The following DOK6 variants were observed in gnomAD, a reference collection of about 807,000 sequenced individuals.
DOK6 encodes the protein docking protein 6, also known as downstream of tyrosine kinase 6.
DOK6 carries 22 observed loss-of-function variants against 44.0 expected under a neutral mutation model. The observed-to-expected ratio is 0.50, with a 90% confidence interval of 0.36 to 0.71. DOK6 has a LOEUF of 0.71. Ranked by LOEUF, DOK6 falls within the 30% of genes least tolerant of loss-of-function variation. The probability of loss-of-function intolerance (pLI) is 0.00; values close to 1 mark genes in which losing one functional copy is unlikely to be tolerated. For synonymous variants in DOK6, 166 were observed against 145.5 expected (o/e 1.14, Z -1.01); for missense variants, 340 against 416.4 (o/e 0.82, Z 1.60).
At position 69,816,174 on chromosome 18, in the gene DOK6, G is replaced by A. The variant is rs139057205; in HGVS notation, c.857-25070G>A. On this transcript the variant is annotated intron_variant, in intron 7 of 7. Transcript: ENST00000382713. Reference sequence around the variant, plus strand: ...ATGACTCCATTAGGAGGCCCTCTCCGCTCCCACTGCTCCTATTTTGGGTTA... The same window carrying A: ...ATGACTCCATTAGGAGGCCCTCTCCACTCCCACTGCTCCTATTTTGGGTTA... Among the ~76,000 whole-genome samples, 62 of 152,190 alleles carry A rather than the reference G, an allele frequency of 4.1e-4. 1 individual carries two copies. The East Asian group carries it at 9.3e-3, about 23-fold the overall frequency.
intron 1 of DOK6, among the ~76,000 whole-genome samples, chr18:69,415,845 A>C (rs1443738781): frequency 6.6e-6 from 1 of 152,118 alleles, no homozygotes; most frequent in African/African-American, 2.4e-5. Flanking sequence ...CAAGGTTACT[A>C]AACATGTAAA....
intron 7 of DOK6, among the ~76,000 whole-genome samples, chr18:69,763,243 T>A (rs974601342): frequency 6.6e-6 from 1 of 152,202 alleles, no homozygotes; most frequent in African/African-American, 2.4e-5. Context: ...GCAGGTTGAG[T>A]TATGCCACCT....
intron 1 of DOK6, among the ~76,000 whole-genome samples, chr18:69,476,967 T>G (rs8085066): frequency 0.43 from 65,771 of 152,040 alleles, 14,954 homozygotes; most frequent in Middle Eastern, 0.54. Flanking sequence ...AAAGGTTGCT[T>G]GGATTAGTCA....
intron 5 of DOK6, among the ~76,000 whole-genome samples, chr18:69,715,633 A>G (rs917099328): frequency 6.6e-6 from 1 of 152,200 alleles, no homozygotes; most frequent in African/African-American, 2.4e-5. Flanking sequence ...CAGATGAATG[A>G]ATTCTTCCAA....
At chr18:69,574,234 T>C (rs1983186054) in intron 2 of DOK6, among the ~76,000 whole-genome samples, 3 of 152,082 alleles carry the variant, frequency 2.0e-5, no homozygotes, top group Non-Finnish European at 4.4e-5. Flanking sequence ...GGGATCGTAA[T>C]TGTCCTAATC....
chr18:69,559,480 T>C (rs1423387775), intron 1 of DOK6, among the ~76,000 whole-genome samples: 2 of 152,250 alleles, frequency 1.3e-5, no homozygotes, highest in East Asian at 3.9e-4. Context: ...AAAGATAAAA[T>C]ATTGATAATC....
intron 1 of DOK6, among the ~76,000 whole-genome samples, chr18:69,475,090 A>G (rs112663459): frequency 0.014 from 2,066 of 152,128 alleles, 57 homozygotes; most frequent in African/African-American, 0.047. Flanking sequence ...TCACTAAATC[A>G]CTCCTGAAGG....
At chr18:69,519,826 G>A (rs564053707) in intron 1 of DOK6, among the ~76,000 whole-genome samples, 20 of 151,776 alleles carry the variant, frequency 1.3e-4, no homozygotes, top group African/African-American at 4.8e-4. Flanking sequence ...GAAAAATAAT[G>A]GCATTAATAC....
intron 1 of DOK6, among the ~76,000 whole-genome samples, chr18:69,559,088 T>C (rs1982762955): frequency 6.6e-6 from 1 of 152,136 alleles, no homozygotes; most frequent in African/African-American, 2.4e-5. Context: ...CTTAATGTAA[T>C]AGCAAAGAGA....
intron 3 of DOK6, among the ~76,000 whole-genome samples, chr18:69,647,790 A>C (rs779043129): frequency 9.9e-5 from 15 of 152,080 alleles, no homozygotes; most frequent in Non-Finnish European, 2.1e-4. Context: ...AATCCCATAG[A>C]GCAACTCCAT....
intron 1 of DOK6, among the ~76,000 whole-genome samples, chr18:69,503,017 G>C (rs1186508083): frequency 6.6e-6 from 1 of 152,006 alleles, no homozygotes; most frequent in Non-Finnish European, 1.5e-5. Flanking sequence ...TGACCTAAGA[G>C]TATTGTCACA....
At chr18:69,644,468 GCC>G (rs1985020475) in intron 3 of DOK6, among the ~76,000 whole-genome samples, 1 of 152,096 alleles carries the variant, frequency 6.6e-6, no homozygotes, top group Non-Finnish European at 1.5e-5. Flanking sequence ...AGATTATCCT[GCC>G]TATGGATGTC....
At chr18:69,714,543 TAAGTA>T (rs1955278843) in intron 5 of DOK6, among the ~76,000 whole-genome samples, 1 of 152,234 alleles carries the variant, frequency 6.6e-6, no homozygotes, top group Non-Finnish European at 1.5e-5. Flanking sequence ...TTATGTGGAA[TAAGTA>T]AAATAAACTT....
rs929090755 is a variant in DOK6, at chr18:69,846,035, T to G, written c.*4652T>G. On this transcript the variant is annotated 3_prime_UTR_variant, in exon 8 of 8. Coordinates refer to ENST00000382713, the MANE Select transcript of DOK6 (RefSeq NM_152721.6). The stretch of plus-strand genomic sequence containing the variant: ...TGTGTGCATTCTCTATTAACATATT[T>G]GGAAGATTGCCCACATTTTCTCTGC... 3 of 152,222 alleles carry G rather than the reference T, an allele frequency of 2.0e-5. No homozygotes were observed. The highest frequency in any genetic ancestry group is 4.4e-5 in the Non-Finnish European group (3 of 68,036). 9.4% of individuals were successfully genotyped at this position (152,222 alleles called of 1,614,324 possible). A position where few individuals can be genotyped will look rare whatever the true frequency, so the allele number is the denominator to read the frequency against.
chr18:69,407,920 TCA>T (rs1266163367), intron 1 of DOK6, among the ~76,000 whole-genome samples: 4 of 152,344 alleles, frequency 2.6e-5, no homozygotes, highest in Admixed American at 1.3e-4. Flanking sequence ...TAACATAATC[TCA>T]CTACATTTTG....
intron 7 of DOK6, among the ~76,000 whole-genome samples, chr18:69,805,671 G>C (rs1431167786): frequency 6.6e-6 from 1 of 152,020 alleles, no homozygotes; most frequent in African/African-American, 2.4e-5. Context: ...ACAGACCATA[G>C]TATTTCCAAA....
intron 1 of DOK6, among the ~76,000 whole-genome samples, chr18:69,424,633 T>C (rs1206041008): frequency 7.4e-6 from 1 of 135,166 alleles, no homozygotes; most frequent in East Asian, 2.2e-4. Context: ...TGACTTATAA[T>C]TTTTTGTCTT....
intron 7 of DOK6, among the ~76,000 whole-genome samples, chr18:69,789,028 A>G (rs546432658): frequency 6.6e-6 from 1 of 152,332 alleles, no homozygotes; most frequent in African/African-American, 2.4e-5. Context: ...CATTTATGGA[A>G]GTTCTTTAAA....
intron 7 of DOK6, among the ~76,000 whole-genome samples, chr18:69,787,254 T>C (rs1980459846): frequency 6.6e-6 from 1 of 152,148 alleles, no homozygotes; most frequent in African/African-American, 2.4e-5. Context: ...TGATGAATTT[T>C]CTCATACTGA....
Sources: allele counts gnomAD v4.1 joint callset (sites outside exome capture counted in the v4.1 genomes callset), GRCh38; gene constraint gnomAD v4.1.1; transcripts MANE v1.5; gene names NCBI Gene and HGNC (gene_info 2026-07-23, HGNC 2026-07-21).